Variants in FSIP2 observed in about 807,000 individuals in gnomAD.
FSIP2 encodes fibrous sheath interacting protein 2, also known as fibrous sheath-interacting protein 2.
FSIP2 carries 367 observed loss-of-function variants against 510.5 expected under a neutral mutation model. The observed-to-expected ratio is 0.72, with a 90% CI of 0.66 to 0.78. The LOEUF is 0.78. FSIP2 is among the 30% of genes least tolerant of loss of function. The probability of loss-of-function intolerance (pLI) is 0.00; values close to 1 mark genes in which losing one functional copy is unlikely to be tolerated. For synonymous variants in FSIP2, 2,601 were observed against 2,732.2 expected (o/e 0.95, Z 1.50); for missense variants, 7,594 against 7,901.7 (o/e 0.96, Z 1.48).
intron 13 of FSIP2, among the ~76,000 whole-genome samples, chr2:185,769,810 A>G (rs528001093): frequency 6.6e-6 from 1 of 152,260 alleles, no homozygotes; most frequent in Non-Finnish European, 1.5e-5. Flanking sequence ...GGAGGGGCCC[A>G]GTTTTGATCT....
intron 5 of FSIP2, among the ~76,000 whole-genome samples, chr2:185,745,931 G>GT (rs1692020630): frequency 6.6e-6 from 1 of 152,072 alleles, no homozygotes; most frequent in African/African-American, 2.4e-5. Flanking sequence ...GTCAAAAAAA[G>GT]TAAGTTTGGA....
Position 185,790,891 on chromosome 2 carries a change from A to G in FSIP2, c.3755A>G (p.Glu1252Gly). 1 of 1,530,790 alleles carries G rather than the reference A, an allele frequency of 6.5e-7. No individual in the cohort carries two copies. Among genetic ancestry groups the G allele is most frequent in the Non-Finnish European group, 8.7e-7 (1 of 1,144,350 alleles). 94.8% of individuals were successfully genotyped at this position (1,530,790 alleles called of 1,614,324 possible). ...KPPWLKSGKS[E>G]PKPVDDINDK... Reference sequence around the variant, plus strand: ...CCCTGGTTAAAATCTGGAAAAAGTGAACCTAAACCTGTAGATGACATTAAT... The same window carrying G: ...CCCTGGTTAAAATCTGGAAAAAGTGGACCTAAACCTGTAGATGACATTAAT... Residue 1252 changes from glutamate to glycine, a missense_variant, in exon 16 of 23, where the codon GAA (glutamate) becomes GGA (glycine). Coordinates refer to ENST00000424728, the MANE Select transcript of FSIP2 (RefSeq NM_173651.4).
chr2:185,768,527 T>A (rs1692542552), intron 13 of FSIP2, among the ~76,000 whole-genome samples: 1 of 152,176 alleles, frequency 6.6e-6, no homozygotes, highest in Non-Finnish European at 1.5e-5. Context: ...TATCTTTCCC[T>A]ATTGTTTCTT....
Position 185,791,295 on chromosome 2 carries a change from A to G in FSIP2, c.4159A>G (p.Thr1387Ala). Reference protein sequence around the residue: ...SLSSRKPKSATDSVDVQSILP... With the variant: ...SLSSRKPKSAADSVDVQSILP... ...CTCTTCTCGTAAGCCAAAGTCTGCA[A>G]CTGACAGTGTTGATGTACAAAGCAT... The change falls in exon 16 of 23, where the codon ACT becomes GCT. Residue 1387 changes from threonine to alanine, a missense_variant. Coordinates refer to ENST00000424728, the MANE Select transcript of FSIP2 (RefSeq NM_173651.4). 3.9e-6 allele frequency: 6 copies of G among 1,534,228 alleles called. No individual in the cohort carries two copies. The highest frequency in any genetic ancestry group is 5.2e-6 in the Non-Finnish European group (6 of 1,145,588).
Position 185,808,156 on chromosome 2 carries a change from A to G in FSIP2, c.18850A>G (p.Thr6284Ala). The G allele has an allele frequency of 1.9e-6, 3 of 1,611,352 alleles. No individual in the cohort carries two copies. The highest frequency in any genetic ancestry group is 2.5e-6 in the Non-Finnish European group (3 of 1,178,812). ...GGGTAAAAGCAATGTCCTCTCTGAT[A>G]CAATAGGCTTTTTAATGGTGAATGC... ...LMGKSNVLSDTIGFLMVNAIS... is the reference protein window; with the variant it reads ...LMGKSNVLSDAIGFLMVNAIS... Residue 6284 changes from threonine (T) to alanine (A), a missense_variant, in exon 17 of 23, where the codon ACA becomes GCA. By Grantham distance (58) the Thr-to-Ala change is moderately conservative. Coordinates refer to ENST00000424728, the MANE Select transcript of FSIP2 (RefSeq NM_173651.4).
In FSIP2 at chr2:185,804,320, A is replaced by T; in HGVS notation, c.15014A>T (p.Asp5005Val). 4 of 1,508,606 alleles carry T rather than the reference A, an allele frequency of 2.7e-6. No individual in the cohort carries two copies. The highest frequency in any genetic ancestry group is 3.5e-6 in the Non-Finnish European group (4 of 1,136,806). 93.5% of individuals were successfully genotyped at this position (1,508,606 alleles called of 1,614,324 possible). A position where few individuals can be genotyped will look rare whatever the true frequency, so the allele number is the denominator to read the frequency against. ...ACCACATCAGAGATTTTAGTTGCAG[A>T]TAACTTTGATAAAAATTTGTGTTTC... The part of the protein sequence containing the change: ...EFTTSEILVA[D>V]NFDKNLCFSE... The change falls in exon 17 of 23, where the codon GAT becomes GTT. Residue 5005 changes from aspartate (D) to valine (V), a missense_variant. Transcript: ENST00000424728.
intron 19 of FSIP2, among the ~76,000 whole-genome samples, chr2:185,816,855 CAGAGAGAGAG>C (rs58545522): frequency 5.0e-5 from 7 of 140,198 alleles, no homozygotes; most frequent in African/African-American, 1.3e-4. Flanking sequence ...AACTCTGAGA[CAGAGAGAGAG>C]AGAGAGAGAG....
rs769246287 is a variant in FSIP2 at position 185,800,227 on chromosome 2, A to G, written c.10921A>G (p.Ser3641Gly). The change falls in exon 17 of 23, where the codon AGT becomes GGT. Residue 3641 changes from serine (S) to glycine (G), a missense_variant. By Grantham distance (56) the Ser-to-Gly change is moderately conservative. Coordinates refer to ENST00000424728, the MANE Select transcript of FSIP2 (RefSeq NM_173651.4). Reference sequence around the variant, plus strand: ...ATCATTTTCTATGCATAGAAATAATAGTGTACCCCTTTGCAACAAAATCAA... The same window carrying G: ...ATCATTTTCTATGCATAGAAATAATGGTGTACCCCTTTGCAACAAAATCAA... ...NKSFSMHRNN[S>G]VPLCNKINRQ... 85 of 1,532,218 alleles carry G rather than the reference A, an allele frequency of 5.5e-5. No individual in the cohort carries two copies. The highest frequency in any genetic ancestry group is 6.7e-5 in the Non-Finnish European group (77 of 1,144,726). The allele number at this position is 1,532,218 out of a possible 1,614,324, so 94.9% of individuals were successfully genotyped here.
At chr2:185,752,711 T>C (rs550537621) in intron 7 of FSIP2, among the ~76,000 whole-genome samples, 13 of 151,458 alleles carry the variant, frequency 8.6e-5, no homozygotes, top group East Asian at 3.9e-4. Flanking sequence ...TTTGTTTATA[T>C]ACAAATTGCA....
At chr2:185,811,232 C>T (rs1279131085) in intron 17 of FSIP2, among the ~76,000 whole-genome samples, 4 of 151,888 alleles carry the variant, frequency 2.6e-5, no homozygotes, top group Non-Finnish European at 5.9e-5. Context: ...TTTGGGAGGC[C>T]AAGATGGGTG....
Position 185,804,332 on chromosome 2 carries a change from A to C in FSIP2, c.15026A>C (p.Lys5009Thr). ...ATTTTAGTTGCAGATAACTTTGATA[A>C]AAATTTGTGTTTCTCAGAAAGATAC... ...SEILVADNFD[K>T]NLCFSERYKE... is the part of the protein sequence containing the mutation. Residue 5009 changes from lysine to threonine, a missense_variant, in exon 17 of 23, where the codon AAA (lysine) becomes ACA (threonine). By Grantham distance (78) the Lys-to-Thr change is moderately conservative (BLOSUM62 -1). Coordinates refer to ENST00000424728, the MANE Select transcript of FSIP2 (RefSeq NM_173651.4). 6.6e-7 allele frequency: 1 copy of C among 1,506,028 alleles called. No individual in the cohort carries two copies. Among genetic ancestry groups the C allele is most frequent in the Non-Finnish European group, 8.8e-7 (1 of 1,135,600 alleles). The allele number at this position is 1,506,028 out of a possible 1,614,324, so 93.3% of individuals were successfully genotyped here.
Position 185,802,093 on chromosome 2 carries a change from T to C in FSIP2, c.12787T>C (p.Leu4263=), listed in dbSNP as rs973542306. The change falls in exon 17 of 23, where the codon TTG becomes CTG. Residue 4263 remains leucine (L), a synonymous_variant. Coordinates refer to ENST00000424728, the MANE Select transcript of FSIP2 (RefSeq NM_173651.4). ...TATCGAAAATCATCTTCAACCATTT[T>C]TGAGTGGAGAGGTTTTATGTCATCC... is the stretch of plus-strand genomic sequence containing the variant. ...EIIENHLQPF[L]SGEVLCHPRT... 12 of 1,533,406 alleles carry C rather than the reference T, an allele frequency of 7.8e-6. No individual in the cohort carries two copies. The highest frequency in any genetic ancestry group is 1.4e-5 in the African/African-American group (1 of 72,820). The allele number at this position is 1,533,406 out of a possible 1,614,324, so 95.0% of individuals were successfully genotyped here. A position where few individuals can be genotyped will look rare whatever the true frequency, so the allele number is the denominator to read the frequency against.
Position 185,795,356 on chromosome 2 carries a change from G to A in FSIP2, c.8220G>A (p.Lys2740=). 2 of 1,534,668 alleles carry A rather than the reference G, an allele frequency of 1.3e-6. No individual in the cohort carries two copies. The highest frequency in any genetic ancestry group is 1.7e-6 in the Non-Finnish European group (2 of 1,146,096). Residue 2740 remains lysine (K), a synonymous_variant, in exon 16 of 23, where the codon AAG becomes AAA. Coordinates refer to ENST00000424728, the MANE Select transcript of FSIP2 (RefSeq NM_173651.4). The part of the protein sequence containing the change: ...LPTSELKIYA[K]DIIINILETI... ...CTTCAGAACTAAAAATATATGCCAA[G>A]GATATAATAATTAACATCCTAGAAA...
In FSIP2 at chr2:185,745,572, A is replaced by G; in HGVS notation, c.617+4A>G. The G allele has an allele frequency of 8.5e-6, 13 of 1,527,644 alleles. No homozygotes were observed. The highest frequency in any genetic ancestry group is 1.1e-5 in the Non-Finnish European group (13 of 1,143,318). The allele number at this position is 1,527,644 out of a possible 1,614,324, so 94.6% of individuals were successfully genotyped here. A position where few individuals can be genotyped will look rare whatever the true frequency, so the allele number is the denominator to read the frequency against. On this transcript the variant is annotated splice_donor_region_variant and intron_variant, in intron 5 of 22. Transcript: ENST00000424728. ...AGGAGCGGCTGATGAGGCATAGGTA[A>G]GATTAAAGTTGAGGCATATTTTATG...
At chr2:185,759,758 T>C (rs1317808596) in intron 9 of FSIP2, among the ~76,000 whole-genome samples, 2 of 149,900 alleles carry the variant, frequency 1.3e-5, no homozygotes, top group Non-Finnish European at 3.0e-5. Context: ...TAATGCCTTG[T>C]ATATTTTGTA....
At chr2:185,816,497 A>G (rs1262247183) in intron 19 of FSIP2, among the ~76,000 whole-genome samples, 1 of 151,934 alleles carries the variant, frequency 6.6e-6, no homozygotes, top group Non-Finnish European at 1.5e-5. Context: ...ACACAATTTT[A>G]TAACAGCTCT....
chr2:185,784,676 G>C (rs1692926865), intron 14 of FSIP2, among the ~76,000 whole-genome samples: 1 of 152,048 alleles, frequency 6.6e-6, no homozygotes, highest in Non-Finnish European at 1.5e-5. Context: ...TATTTTTCAA[G>C]GATATTATGA....
At chr2:185,828,980 A>G (rs1204425066) in intron 21 of FSIP2, among the ~76,000 whole-genome samples, 1 of 151,912 alleles carries the variant, frequency 6.6e-6, no homozygotes, top group African/African-American at 2.4e-5. Flanking sequence ...TTAAATGTTC[A>G]AAGATAATGG....
rs80073781 is a variant in FSIP2 at position 185,792,162 on chromosome 2, A to T, written c.5026A>T (p.Thr1676Ser). The stretch of plus-strand genomic sequence containing the variant: ...AAGTGTAGAAAACCCACCACCTGAG[A>T]CTCAAATACTTAAGTATGTAGTCAA... The part of the protein sequence containing the change: ...KTSVENPPPE[T>S]QILKYVVKLI... Residue 1676 changes from threonine to serine, a missense_variant, in exon 16 of 23, where the codon ACT becomes TCT. Thr to Ser is a moderately conservative substitution (Grantham distance 58, BLOSUM62 1). Coordinates refer to ENST00000424728, the MANE Select transcript of FSIP2 (RefSeq NM_173651.4). 5.3e-3 allele frequency: 8,112 copies of T among 1,532,724 alleles called. 211 individuals carry two copies. The African/African-American group carries it at 0.072, about 14-fold the overall frequency. 94.9% of individuals were successfully genotyped at this position (1,532,724 alleles called of 1,614,324 possible). A position where few individuals can be genotyped will look rare whatever the true frequency, so the allele number is the denominator to read the frequency against.
Sources: gnomAD v4.1 joint callset for allele counts (sites outside exome capture counted in the v4.1 genomes callset) on GRCh38, gnomAD v4.1.1 for gene constraint, MANE v1.5 for transcripts, NCBI Gene and HGNC (gene_info 2026-07-23, HGNC 2026-07-21) for gene names.